The following DAZAP1 variants were observed in gnomAD, a reference collection of about 807,000 sequenced individuals.
DAZAP1 encodes the protein DAZ-associated protein 1.
DAZAP1 carries 6 observed loss-of-function variants against 60.1 expected under a neutral mutation model. The observed-to-expected ratio is 0.10, with a 90% CI of 0.05 to 0.20. DAZAP1 has a LOEUF of 0.20. Among genes scored for constraint, DAZAP1 ranks in the 10% least tolerant of loss-of-function variants. DAZAP1 has a pLI of 1.00. For missense variants in DAZAP1, 366 were observed against 560.4 expected, an observed-to-expected ratio of 0.65 and a Z score of 3.50; for synonymous variants, 235 against 215.9, an observed-to-expected ratio of 1.09 and a Z score of -0.78.
At chr19:1,411,746 C>G (rs887661161) in intron 1 of DAZAP1, among the ~76,000 whole-genome samples, 6 of 152,206 alleles carry the variant, frequency 3.9e-5, no homozygotes, top group African/African-American at 1.4e-4. Flanking sequence ...AGGGATGGGC[C>G]CGGGGTCACC....
rs577731322 is a variant in DAZAP1, at chr19:1,433,516, C to T, written c.1048+826C>T. ...GTGGGAGCTGTGTTCGGCCGAGGTG[C>T]CCGCCCACCCACCTCGCATGGCTGT... On this transcript the variant is annotated intron_variant, in intron 11 of 11. Transcript: ENST00000233078. This position sits in a 1 kb window ranked among gnomAD's most constrained non-coding sequence, Gnocchi z 6.1. 1.0e-3 allele frequency: 577 copies of T among 562,008 alleles called. 4 individuals carry two copies. Among genetic ancestry groups the T allele is most frequent in the African/African-American group, 9.9e-3 (519 of 52,630 alleles). 34.8% of individuals were successfully genotyped at this position (562,008 alleles called of 1,614,324 possible). A position where few individuals can be genotyped will look rare whatever the true frequency, so the allele number is the denominator to read the frequency against.
At chr19:1,413,593 G>A (rs2082887886) in intron 1 of DAZAP1, among the ~76,000 whole-genome samples, 1 of 152,200 alleles carries the variant, frequency 6.6e-6, no homozygotes, top group African/African-American at 2.4e-5. Flanking sequence ...AAAGACACAT[G>A]GACACAGGAA....
chr19:1,430,351 C>A lies in DAZAP1; in HGVS notation c.860C>A (p.Pro287Gln). 1.3e-6 allele frequency: 2 copies of A among 1,522,024 alleles called. No individual in the cohort carries two copies. The highest frequency in any genetic ancestry group is 1.8e-6 in the Non-Finnish European group (2 of 1,141,294). The allele number at this position is 1,522,024 out of a possible 1,614,324, so 94.3% of individuals were successfully genotyped here. Reference protein sequence around the residue: ...PQGFPQGYGAPPQFSFGYGPP... With the variant: ...PQGFPQGYGAQPQFSFGYGPP... The stretch of plus-strand genomic sequence containing the variant: ...GGCTTCCCTCAGGGCTACGGTGCCC[C>A]GCCACAGTTCAGTAAGTCTAGGGGG... The change falls in exon 10 of 12, where the codon CCG becomes CAG. Residue 287 changes from proline to glutamine, a missense_variant. By Grantham distance (76) the Pro-to-Gln change is moderately conservative (BLOSUM62 -1). This residue lies in a region of DAZAP1 where 240 missense variants were observed against 308.8 expected (regional missense o/e 0.78). Coordinates refer to ENST00000233078, the MANE Select transcript of DAZAP1 (RefSeq NM_018959.4).
rs2083223104 is a variant in DAZAP1 at position 1,423,661 on chromosome 19, C to T, written c.463+1265C>T. ...CAGGCGAGCCCTGTGGTTTCAGACA[C>T]TCCTGCAGTTTGCGAAAATGTCTAC... On this transcript the variant is annotated intron_variant, in intron 6 of 11. Transcript: ENST00000233078. This position sits in a 1 kb window ranked among gnomAD's most constrained non-coding sequence, Gnocchi z 6.8. Among the ~76,000 whole-genome samples, 1 of 152,278 alleles carries T rather than the reference C, an allele frequency of 6.6e-6. No homozygotes were observed. The highest frequency in any genetic ancestry group is 1.5e-5 in the Non-Finnish European group (1 of 68,054).
intron 4 of DAZAP1, among the ~76,000 whole-genome samples, chr19:1,419,095 G>A (rs532474229): frequency 2.6e-4 from 40 of 152,366 alleles, no homozygotes; most frequent in Admixed American, 2.5e-3. Context: ...GCCGGGCTGT[G>A]TCAGCTCGTG....
chr19:1,408,538 C>T (rs1444395416), intron 1 of DAZAP1, among the ~76,000 whole-genome samples: 1 of 152,068 alleles, frequency 6.6e-6, no homozygotes, highest in Non-Finnish European at 1.5e-5. Context: ...TCCCATCCCA[C>T]CCCCCCAAAG....
rs766884429 is a variant in DAZAP1 at position 1,418,126 on chromosome 19, C to T, written c.71-78C>T. 86 of 1,477,004 alleles carry T rather than the reference C, an allele frequency of 5.8e-5. No individual in the cohort carries two copies. The highest frequency in any genetic ancestry group is 7.1e-5 in the Non-Finnish European group (76 of 1,067,812). 91.5% of individuals were successfully genotyped at this position (1,477,004 alleles called of 1,614,324 possible). ...GTGGCTGGTGGACTGGAGGAGTGTG[C>T]GTGCCGGCAGCACTGCCAGGCACGT... is the stretch of plus-strand genomic sequence containing the variant. On this transcript the variant is annotated intron_variant, in intron 2 of 11. Transcript: ENST00000233078. This position sits in a 1 kb window ranked among gnomAD's most constrained non-coding sequence, Gnocchi z 5.7.
chr19:1,408,636 C>G (rs955040809), intron 1 of DAZAP1, among the ~76,000 whole-genome samples: 2 of 152,166 alleles, frequency 1.3e-5, no homozygotes, highest in Non-Finnish European at 1.5e-5. Flanking sequence ...CTCGGCGCCT[C>G]CCCGCCGGGG....
intron 1 of DAZAP1, among the ~76,000 whole-genome samples, chr19:1,410,329 G>A (rs1002899186): frequency 6.6e-6 from 1 of 152,190 alleles, no homozygotes; most frequent in Admixed American, 6.5e-5. Context: ...GGATCCTGGT[G>A]GGTTTGGCAC....
intron 6 of DAZAP1, among the ~76,000 whole-genome samples, chr19:1,424,420 G>A (rs1352301657): frequency 7.0e-6 from 1 of 142,800 alleles, no homozygotes; most frequent in South Asian, 2.2e-4. Context: ...AGGTGCACAC[G>A]TGTGCTCAGG....
chr19:1,417,594 G>C, intron 2 of DAZAP1, 54 bp downstream of exon 2: 1 of 1,522,960 alleles, frequency 6.6e-7, no homozygotes, highest in Non-Finnish European at 8.9e-7. Context: ...TAGGACCTCG[G>C]CCTTCAAGTT....
Position 1,426,263 on chromosome 19 carries a change from G to T in DAZAP1, c.546+303G>T. 1.3e-5 allele frequency: 5 copies of T among 393,100 alleles called. No individual in the cohort carries two copies. Among genetic ancestry groups the T allele is most frequent in the South Asian group, 1.2e-4 (5 of 41,306 alleles). 24.4% of individuals were successfully genotyped at this position (393,100 alleles called of 1,614,324 possible). ...TGTGGCGGTGTTGGGGCTGGCTCCAGTGAAACCGCAGCGTTGCCTCAGGCT... is the reference window on the plus strand; with the variant it reads ...TGTGGCGGTGTTGGGGCTGGCTCCATTGAAACCGCAGCGTTGCCTCAGGCT... On this transcript the variant is annotated intron_variant, in intron 7 of 11. Transcript: ENST00000233078. This position sits in a 1 kb window ranked among gnomAD's most constrained non-coding sequence, Gnocchi z 5.4.
intron 1 of DAZAP1, among the ~76,000 whole-genome samples, chr19:1,414,031 G>GTGTT (rs2082904417): frequency 6.8e-6 from 1 of 148,054 alleles, no homozygotes; most frequent in Non-Finnish European, 1.5e-5. Context: ...GTGTGTGTGT[G>GTGTT]TTTAGATGGA....
rs1475733995 is a variant in DAZAP1 at position 1,432,349 on chromosome 19, T to C, written c.872-165T>C. On this transcript the variant is annotated intron_variant, in intron 10 of 11. Coordinates refer to ENST00000233078, the MANE Select transcript of DAZAP1 (RefSeq NM_018959.4). The surrounding 1 kb of genome is among the most constrained non-coding windows in gnomAD (Gnocchi z 4.9). ...TCCTGGGGGGAGCGGCCCGGGACCG[T>C]GGCTCTGTGGTCCATTCTGTGGATG... 3 of 726,908 alleles carry C rather than the reference T, an allele frequency of 4.1e-6. No individual in the cohort carries two copies. The highest frequency in any genetic ancestry group is 7.2e-6 in the Non-Finnish European group (3 of 419,092). 45.0% of individuals were successfully genotyped at this position (726,908 alleles called of 1,614,324 possible).
chr19:1,418,926 A>G lies in DAZAP1; in HGVS notation c.303+195A>G, dbSNP rs542366367. On this transcript the variant is annotated intron_variant, in intron 4 of 11. Transcript: ENST00000233078. The surrounding 1 kb of genome is among the most constrained non-coding windows in gnomAD (Gnocchi z 5.7). The stretch of plus-strand genomic sequence containing the variant: ...TTTTACAGCCAAGAAAATTCTTACT[A>G]ATCTATCTTAGGGAAAAAAAAAATG... 6.6e-6 allele frequency among the ~76,000 whole-genome samples: 1 copy of G among 151,978 alleles called. No homozygotes were observed. Among genetic ancestry groups the G allele is most frequent in the East Asian group, 1.9e-4 (1 of 5,180 alleles).
Position 1,432,483 on chromosome 19 carries a change from T to A in DAZAP1, c.872-31T>A. The A allele has an allele frequency of 6.2e-7, 1 of 1,611,462 alleles. No homozygotes were observed. Among genetic ancestry groups the A allele is most frequent in the Non-Finnish European group, 8.5e-7 (1 of 1,178,308 alleles). On this transcript the variant is annotated intron_variant, in intron 10 of 11. Coordinates refer to ENST00000233078, the MANE Select transcript of DAZAP1 (RefSeq NM_018959.4). This position sits in a 1 kb window ranked among gnomAD's most constrained non-coding sequence, Gnocchi z 4.9. ...GGTCTGCCCCCAGCTGCACAACGTG[T>A]CTTGTGCCTTGCCCTCTTGTACCTC...
rs569033339 is a variant in DAZAP1, at chr19:1,434,162, G to A, written c.1049-575G>A. ...GCTCCTGAGGTCGGCTGTGTGGGCC[G>A]GACGGGCTGCAGGGTGTGCTGGCCC... On this transcript the variant is annotated intron_variant, in intron 11 of 11. Coordinates refer to ENST00000233078, the MANE Select transcript of DAZAP1 (RefSeq NM_018959.4). This position sits in a 1 kb window ranked among gnomAD's most constrained non-coding sequence, Gnocchi z 8.0. 6.8e-4 allele frequency: 200 copies of A among 295,182 alleles called. No homozygotes were observed. The highest frequency in any genetic ancestry group is 4.0e-3 in the African/African-American group (182 of 45,502). 18.3% of individuals were successfully genotyped at this position (295,182 alleles called of 1,614,324 possible).
At chr19:1,430,449 C>G in intron 10 of DAZAP1, 87 bp downstream of exon 10, 1 of 1,260,476 alleles carries the variant, frequency 7.9e-7, no homozygotes, top group Non-Finnish European at 1.1e-6. Context: ...TCTTGTGTTA[C>G]ACGTCTGGCC....
chr19:1,429,086 A>C (rs1291853249), intron 8 of DAZAP1, 91 bp downstream of exon 8: 3 of 1,407,926 alleles, frequency 2.1e-6, no homozygotes, highest in East Asian at 5.2e-5. Context: ...CGGCCTCCCC[A>C]CCTCTGCTGT....
Sources: gnomAD v4.1 joint callset for allele counts (sites outside exome capture counted in the v4.1 genomes callset) on GRCh38, gnomAD v4.1.1 for gene constraint, gnomAD v4.1.1 regional missense constraint, Gnocchi (gnomAD v3.1) non-coding constraint, MANE v1.5 for transcripts, NCBI Gene and HGNC (gene_info 2026-07-23, HGNC 2026-07-21) for gene names.